Variants in ZNF444 observed in about 807,000 individuals in gnomAD.
ZNF444 encodes zinc finger protein 444.
In ZNF444, 8 loss-of-function variants were observed where a neutral mutation model predicts 14.4. The observed-to-expected ratio is 0.56, with a 90% CI of 0.33 to 1.00. ZNF444 has a LOEUF of 1.00. ZNF444 is among the 50% of genes least tolerant of loss of function. ZNF444 has a pLI of 0.03. For synonymous variants in ZNF444, 258 were observed against 235.9 expected, an observed-to-expected ratio of 1.09 and a Z score of -0.86; for missense variants, 510 against 504.8, an observed-to-expected ratio of 1.01 and a Z score of -0.10.
At chr19:56,132,896 A>T (rs2030513147) in intron 1 of ZNF444, 1 of 148,944 alleles carries the variant, frequency 6.7e-6, no homozygotes, top group South Asian at 2.1e-4. Flanking sequence ...ACACCTCAGA[A>T]TGCCCTTCTT....
Position 56,159,610 on chromosome 19 carries a change from C to G in ZNF444, c.407-14C>G. 1 of 1,426,748 alleles carries G rather than the reference C, an allele frequency of 7.0e-7. No individual in the cohort carries two copies. The highest frequency in any genetic ancestry group is 9.1e-7 in the Non-Finnish European group (1 of 1,094,994). The allele number at this position is 1,426,748 out of a possible 1,614,324, so 88.4% of individuals were successfully genotyped here. ...TCGTGCCGACCCAGATGCTGACTCT[C>G]TTTCTTTTCCCAGCAGGCACCGCCC... On this transcript the variant is annotated splice_polypyrimidine_tract_variant and intron_variant, in intron 4 of 4. Transcript: ENST00000337080.
chr19:56,133,664 T>A (rs1175257015), intron 1 of ZNF444, among the ~76,000 whole-genome samples: 1 of 147,858 alleles, frequency 6.8e-6, no homozygotes, highest in Non-Finnish European at 1.5e-5. Flanking sequence ...TACAAAAAAA[T>A]TAGCCGGGCG....
intron 3 of ZNF444, among the ~76,000 whole-genome samples, chr19:56,153,104 A>G (rs1423804707): frequency 1.3e-5 from 2 of 152,090 alleles, no homozygotes; most frequent in African/African-American, 2.4e-5. Flanking sequence ...GGGACCACCA[A>G]TAAGAGAGAG....
At position 56,160,419 on chromosome 19, in the gene ZNF444, C is replaced by A. The variant is rs79646647; in HGVS notation, c.*218C>A. 3.7e-5 allele frequency: 18 copies of A among 482,598 alleles called. No individual in the cohort carries two copies. Among genetic ancestry groups the A allele is most frequent in the South Asian group, 1.0e-4 (3 of 29,820 alleles). The allele number at this position is 482,598 out of a possible 1,614,324, so 29.9% of individuals were successfully genotyped here. A position where few individuals can be genotyped will look rare whatever the true frequency, so the allele number is the denominator to read the frequency against. ...CTTCTCAGGTCTCACCTCAGCCCCC[C>A]CCTTCTCCCTGATTTCTCGGCCTCT... On this transcript the variant is annotated 3_prime_UTR_variant, in exon 5 of 5. Coordinates refer to ENST00000337080, the MANE Select transcript of ZNF444 (RefSeq NM_018337.4).
chr19:56,139,939 G>C (rs939621430), upstream of ZNF444, among the ~76,000 whole-genome samples: 2 of 152,104 alleles, frequency 1.3e-5, no homozygotes, highest in Non-Finnish European at 2.9e-5. Flanking sequence ...GGATATGAGT[G>C]GGAAGAAGAT....
At chr19:56,154,408 TCTC>T (rs1308836887) in intron 3 of ZNF444, 2 of 152,228 alleles carry the variant, frequency 1.3e-5, no homozygotes, top group Non-Finnish European at 2.9e-5. Flanking sequence ...CTCAAGCAAT[TCTC>T]CTGCCTCAGC....
upstream of ZNF444, among the ~76,000 whole-genome samples, chr19:56,138,280 A>G (rs2030657117): frequency 6.6e-6 from 1 of 152,128 alleles, no homozygotes. Flanking sequence ...AGTCAGTCAC[A>G]AAAAACAAAT....
chr19:56,132,653 T>C (rs2030506808), exon 1 of ZNF444: 1 of 152,224 alleles, frequency 6.6e-6, no homozygotes, highest in Non-Finnish European at 1.5e-5. Flanking sequence ...AGTAAAGGGC[T>C]GGAAGTGGGG....
chr19:56,139,944 G>A (rs879595336), upstream of ZNF444, among the ~76,000 whole-genome samples: 1 of 152,148 alleles, frequency 6.6e-6, no homozygotes, highest in Non-Finnish European at 1.5e-5. Context: ...TGAGTGGGAA[G>A]AAGATCAGCG....
chr19:56,159,981 G>A lies in ZNF444; in HGVS notation c.764G>A (p.Cys255Tyr). ...GAGAAGCCCCACGCGTGCTGCGAGT[G>A]TGGCAAGACCTTCTACTGGCGCGAG... Reference protein sequence around the residue: ...AREKPHACCECGKTFYWREHL... With the variant: ...AREKPHACCEYGKTFYWREHL... The change falls in exon 5 of 5, where the codon TGT (cysteine) becomes TAT (tyrosine). Residue 255 changes from cysteine (C) to tyrosine (Y), a missense_variant. By Grantham distance (194) the Cys-to-Tyr change is radical. Coordinates refer to ENST00000337080, the MANE Select transcript of ZNF444 (RefSeq NM_018337.4). 6.6e-7 allele frequency: 1 copy of A among 1,512,294 alleles called. No homozygotes were observed. Among genetic ancestry groups the A allele is most frequent in the Non-Finnish European group, 8.8e-7 (1 of 1,135,276 alleles). The allele number at this position is 1,512,294 out of a possible 1,614,324, so 93.7% of individuals were successfully genotyped here.
intron 3 of ZNF444, chr19:56,155,777 A>G (rs2031870235): frequency 6.6e-6 from 1 of 152,268 alleles, no homozygotes; most frequent in African/African-American, 2.4e-5. Context: ...TGACCACAGA[A>G]GACGTCTGTG....
chr19:56,146,896 C>T lies in ZNF444; in HGVS notation c.-16C>T, dbSNP rs1366441779. 6.5e-6 allele frequency: 9 copies of T among 1,392,860 alleles called. No individual in the cohort carries two copies. Among genetic ancestry groups the T allele is most frequent in the Middle Eastern group, 2.6e-4 (1 of 3,798 alleles). The allele number at this position is 1,392,860 out of a possible 1,614,324, so 86.3% of individuals were successfully genotyped here. ...ACCGGCTTGTTCCCTGCAGGCGCTG[C>T]GGTCCGGGAGGCCCCATGGAGGTGG... On this transcript the variant is annotated 5_prime_UTR_variant, in exon 3 of 5. Coordinates refer to ENST00000337080, the MANE Select transcript of ZNF444 (RefSeq NM_018337.4).
rs962381011 is a variant in ZNF444, at chr19:56,144,222, T to C, written c.-196-2025T>C. Among the ~76,000 whole-genome samples the C allele has an allele frequency of 6.6e-6, 1 of 151,492 alleles. No individual in the cohort carries two copies. Among genetic ancestry groups the C allele is most frequent in the Admixed American group, 6.6e-5 (1 of 15,206 alleles). On this transcript the variant is annotated intron_variant, in intron 1 of 4. Transcript: ENST00000337080. This position sits in a 1 kb window ranked among gnomAD's most constrained non-coding sequence, Gnocchi z 4.0. ...TGCTCAGGAGGCTGAGCCAGGAGGA[T>C]GGTTTGAGCCCAGGAGGTCGGGGCT...
chr19:56,159,924 C>A lies in ZNF444; in HGVS notation c.707C>A (p.Pro236His). ...ACGCACCCCGGCAGCCCCGGCAGCC[C>A]CGGGCCCGCGCTGCGCCCTCTGCCC... ...RDTHPGSPGS[P>H]GPALRPLPAR... The change falls in exon 5 of 5, where the codon CCC (proline) becomes CAC (histidine). Residue 236 changes from proline to histidine, a missense_variant. Coordinates refer to ENST00000337080, the MANE Select transcript of ZNF444 (RefSeq NM_018337.4). The A allele has an allele frequency of 6.7e-7, 1 of 1,500,372 alleles. No individual in the cohort carries two copies. Among genetic ancestry groups the A allele is most frequent in the Admixed American group, 2.2e-5 (1 of 44,976 alleles). 92.9% of individuals were successfully genotyped at this position (1,500,372 alleles called of 1,614,324 possible). A position where few individuals can be genotyped will look rare whatever the true frequency, so the allele number is the denominator to read the frequency against.
chr19:56,142,412 G>T lies in ZNF444; in HGVS notation c.-197+1055G>T, dbSNP rs565903792. The T allele has an allele frequency of 2.6e-5, 4 of 152,298 alleles. No individual in the cohort carries two copies. The East Asian group carries it at 7.7e-4, about 29-fold the overall frequency. The allele number at this position is 152,298 out of a possible 1,614,324, so 9.4% of individuals were successfully genotyped here. Reference sequence around the variant, plus strand: ...GTAAATATTTGTCCAGTGGGCCAGCGGCTCTCAACCAGGAGTGGTTTTGTC... The same window carrying T: ...GTAAATATTTGTCCAGTGGGCCAGCTGCTCTCAACCAGGAGTGGTTTTGTC... On this transcript the variant is annotated intron_variant, in intron 1 of 4. Transcript: ENST00000337080.
chr19:56,160,182 C>G lies in ZNF444; in HGVS notation c.965C>G (p.Pro322Arg), dbSNP rs779714767. The G allele has an allele frequency of 3.4e-6, 5 of 1,465,406 alleles. No individual in the cohort carries two copies. The highest frequency in any genetic ancestry group is 3.6e-6 in the Non-Finnish European group (4 of 1,118,760). The allele number at this position is 1,465,406 out of a possible 1,614,324, so 90.8% of individuals were successfully genotyped here. A position where few individuals can be genotyped will look rare whatever the true frequency, so the allele number is the denominator to read the frequency against. Reference sequence around the variant, plus strand: ...GGCCCGGATGGTGGAGGCCCCTTCCCGCCCTGGCCCTTGGGTTAGCCGCCT... The same window carrying G: ...GGCCCGGATGGTGGAGGCCCCTTCCGGCCCTGGCCCTTGGGTTAGCCGCCT... ...APGPDGGGPF[P>R]PWPLG The change falls in exon 5 of 5, where the codon CCG becomes CGG. Residue 322 changes from proline to arginine, a missense_variant. By Grantham distance (103) the Pro-to-Arg change is moderately radical. Coordinates refer to ENST00000337080, the MANE Select transcript of ZNF444 (RefSeq NM_018337.4).
At chr19:56,142,716 G>A (rs1426841011) in intron 1 of ZNF444, among the ~76,000 whole-genome samples, 1 of 152,158 alleles carries the variant, frequency 6.6e-6, no homozygotes, top group Non-Finnish European at 1.5e-5. Flanking sequence ...TGTGTCTCAG[G>A]TGGAGAAATG....
Position 56,144,925 on chromosome 19 carries a change from CAG to C in ZNF444, c.-196-1321_-196-1320del, listed in dbSNP as rs2031074744. On this transcript the variant is annotated intron_variant, in intron 1 of 4. Coordinates refer to ENST00000337080, the MANE Select transcript of ZNF444 (RefSeq NM_018337.4). The surrounding 1 kb of genome is among the most constrained non-coding windows in gnomAD (Gnocchi z 4.0). ...CTTGATCTTCCAGTGTCCTTGAGGT[CAG>C]GGGCCGGCAGTCTTGTCCTGTAAAG... 6.6e-6 allele frequency among the ~76,000 whole-genome samples: 1 copy of C among 152,236 alleles called. No homozygotes were observed. Among genetic ancestry groups the C allele is most frequent in the East Asian group, 1.9e-4 (1 of 5,200 alleles).
intron 4 of ZNF444, 77 bp from the exon 5 acceptor site, chr19:56,159,547 C>A: frequency 7.7e-7 from 1 of 1,300,496 alleles, no homozygotes; most frequent in South Asian, 1.6e-5. Context: ...CGTTCCCTCC[C>A]TGCCTCCACC....
Sources: gnomAD v4.1 joint callset for allele counts (sites outside exome capture counted in the v4.1 genomes callset) on GRCh38, gnomAD v4.1.1 for gene constraint, Gnocchi (gnomAD v3.1) non-coding constraint, MANE v1.5 for transcripts, NCBI Gene and HGNC (gene_info 2026-07-23, HGNC 2026-07-21) for gene names.